Variants in NUDT13 observed in about 807,000 individuals in gnomAD.
NUDT13 encodes nudix hydrolase 13, also known as NAD(P)H pyrophosphatase NUDT13, mitochondrial.
NUDT13 carries 40 observed loss-of-function variants against 41.7 expected under a neutral mutation model. The ratio of observed to expected loss-of-function variants is 0.96; its 90% CI spans 0.75 to 1.25. NUDT13 has a LOEUF of 1.25. NUDT13 is among the 50% of genes most tolerant of loss of function. The pLI, the probability that NUDT13 is intolerant of heterozygous loss-of-function variation, is 0.00. For missense variants in NUDT13, 390 were observed against 416.1 expected (o/e 0.94, Z 0.55); for synonymous variants, 145 against 155.5 (o/e 0.93, Z 0.50).
At chr10:73,119,915 A>C in intron 2 of NUDT13, 103 bp from the exon 3 acceptor site, 3 of 1,193,644 alleles carry the variant, frequency 2.5e-6, no homozygotes, top group Non-Finnish European at 2.4e-6. Flanking sequence ...AAAGGGAAAT[A>C]ACCATGGTAA....
chr10:73,114,101 C>T (rs1842437973), intron 1 of NUDT13, among the ~76,000 whole-genome samples: 1 of 152,138 alleles, frequency 6.6e-6, no homozygotes, highest in Admixed American at 6.6e-5. Context: ...CCTTCTACTT[C>T]ATTCTTACTC....
At chr10:73,112,406 G>A (rs1414856145) in intron 1 of NUDT13, among the ~76,000 whole-genome samples, 3 of 149,666 alleles carry the variant, frequency 2.0e-5, no homozygotes, top group South Asian at 4.4e-4. Context: ...TATGTATATT[G>A]GTATGTCTGT....
chr10:73,114,465 C>T lies in NUDT13; in HGVS notation c.83+17C>T, dbSNP rs1554845985. 1 of 1,444,154 alleles carries T rather than the reference C, an allele frequency of 6.9e-7. No homozygotes were observed. Among genetic ancestry groups the T allele is most frequent in the South Asian group, 1.3e-5 (1 of 74,442 alleles). The allele number at this position is 1,444,154 out of a possible 1,614,324, so 89.5% of individuals were successfully genotyped here. ...TAAGACACGGTGAGTTTTAGCCAAC[C>T]TGAGCTTTGATTATTCTGTTTGGCC... On this transcript the variant is annotated intron_variant, in intron 2 of 8. Coordinates refer to ENST00000357321, the MANE Select transcript of NUDT13 (RefSeq NM_015901.6).
chr10:73,128,988 A>G (rs57800006), intron 8 of NUDT13, among the ~76,000 whole-genome samples: 2,490 of 152,196 alleles, frequency 0.016, 61 homozygotes, highest in African/African-American at 0.057. Flanking sequence ...TGTTTATATA[A>G]GACAATTTAC....
In NUDT13 at chr10:73,129,675, T is replaced by TAA. The variant is rs568746029; in HGVS notation, c.859-1013_859-1012dup. Among the ~76,000 whole-genome samples the TAA allele has an allele frequency of 4.1e-3, 561 of 135,356 alleles. 6 individuals carry two copies. The highest frequency in any genetic ancestry group is 0.011 in the African/African-American group (413 of 37,360). 88.8% of individuals were successfully genotyped at this position (135,356 alleles called of 152,430 possible). A position where few individuals can be genotyped will look rare whatever the true frequency, so the allele number is the denominator to read the frequency against. Reference sequence around the variant, plus strand: ...TTGACTATCATTAACCCTTACCCTTTAAAAAAAAAAAAAAAAGAGTGGCTG... The same window carrying TAA: ...TTGACTATCATTAACCCTTACCCTTTAAAAAAAAAAAAAAAAAAGAGTGGCTG... On this transcript the variant is annotated intron_variant, in intron 8 of 8. Transcript: ENST00000357321.
chr10:73,129,523 T>TG (rs1218022242), intron 8 of NUDT13, among the ~76,000 whole-genome samples: 2 of 152,112 alleles, frequency 1.3e-5, no homozygotes, highest in African/African-American at 4.8e-5. Context: ...CATCACTGAC[T>TG]GATGGTCTCT....
chr10:73,130,565 A>G, intron 8 of NUDT13, 138 bp from the exon 9 acceptor site: 1 of 669,980 alleles, frequency 1.5e-6, no homozygotes. Flanking sequence ...TCTAGAACTG[A>G]CTTTCACCTA....
intron 2 of NUDT13, chr10:73,115,312 G>A (rs905093349): frequency 6.6e-6 from 1 of 152,214 alleles, no homozygotes; most frequent in Admixed American, 6.5e-5. Context: ...AAGTAGCTGG[G>A]ACTACAGGCA....
rs913382089 is a variant in NUDT13 at position 73,131,414 on chromosome 10, C to G, written c.*511C>G. 1 of 159,890 alleles carries G rather than the reference C, an allele frequency of 6.3e-6. No individual in the cohort carries two copies. Among genetic ancestry groups the G allele is most frequent in the Non-Finnish European group, 1.4e-5 (1 of 71,770 alleles). 9.9% of individuals were successfully genotyped at this position (159,890 alleles called of 1,614,324 possible). ...TTTAAAATTCATGTACAGGTGCATT[C>G]TAGTTACATGAACATGCTAGTTAAA... On this transcript the variant is annotated 3_prime_UTR_variant, in exon 9 of 9. Transcript: ENST00000357321.
At chr10:73,125,829 C>T (rs1842761364) in intron 7 of NUDT13, among the ~76,000 whole-genome samples, 1 of 151,602 alleles carries the variant, frequency 6.6e-6, no homozygotes, top group African/African-American at 2.4e-5. Flanking sequence ...GGACTACAGG[C>T]ACAGGCTACC....
intron 8 of NUDT13, 77 bp downstream of exon 8, chr10:73,126,904 GC>G (rs1279151754): frequency 1.2e-4 from 155 of 1,259,540 alleles, no homozygotes; most frequent in Non-Finnish European, 1.7e-4. Context: ...TACTTATTAA[GC>G]ACTTGTCTAG....
Position 73,131,105 on chromosome 10 carries a change from GAGA to G in NUDT13, c.*207_*209del, listed in dbSNP as rs140326455. On this transcript the variant is annotated 3_prime_UTR_variant, in exon 9 of 9. Coordinates refer to ENST00000357321, the MANE Select transcript of NUDT13 (RefSeq NM_015901.6). ...AATGGGCAATCAAAAAAGCCAGTGT[GAGA>G]AGAAAACTGATGAGCTGTCAACTGT... is the stretch of plus-strand genomic sequence containing the variant. 6,064 of 474,564 alleles carry G rather than the reference GAGA, an allele frequency of 0.013. 236 individuals carry two copies. The highest frequency in any genetic ancestry group is 0.091 in the African/African-American group (4,664 of 51,104). The allele number at this position is 474,564 out of a possible 1,614,324, so 29.4% of individuals were successfully genotyped here. A position where few individuals can be genotyped will look rare whatever the true frequency, so the allele number is the denominator to read the frequency against.
At chr10:73,119,778 GAACA>G (rs548529883) in intron 2 of NUDT13, among the ~76,000 whole-genome samples, 93 of 152,252 alleles carry the variant, frequency 6.1e-4, no homozygotes, top group African/African-American at 2.2e-3. Context: ...ACAGACAAAT[GAACA>G]AATAAACCAA....
At chr10:73,127,869 G>A (rs1842832311) in intron 8 of NUDT13, among the ~76,000 whole-genome samples, 1 of 151,570 alleles carries the variant, frequency 6.6e-6, no homozygotes, top group Non-Finnish European at 1.5e-5. Flanking sequence ...TATTTTGCAT[G>A]ACTGAAACCT....
chr10:73,116,876 ATTT>A (rs56229464), intron 2 of NUDT13, among the ~76,000 whole-genome samples: 5 of 81,860 alleles, frequency 6.1e-5, no homozygotes, highest in African/African-American at 2.0e-4. Context: ...GACTACAAGA[ATTT>A]TTTTTTTTTT....
chr10:73,115,986 T>C (rs1842497087), intron 2 of NUDT13, among the ~76,000 whole-genome samples: 1 of 151,134 alleles, frequency 6.6e-6, no homozygotes, highest in African/African-American at 2.5e-5. Context: ...TCTAGAACCC[T>C]TAACCTAAGA....
intron 2 of NUDT13, 103 bp from the exon 3 acceptor site, chr10:73,119,915 A>G: frequency 1.7e-6 from 2 of 1,193,644 alleles, no homozygotes; most frequent in South Asian, 2.8e-5. Flanking sequence ...AAAGGGAAAT[A>G]ACCATGGTAA....
chr10:73,112,928 C>T (rs531319209), intron 1 of NUDT13, among the ~76,000 whole-genome samples: 1 of 151,968 alleles, frequency 6.6e-6, no homozygotes, highest in African/African-American at 2.4e-5. Context: ...GCTCTTGTTG[C>T]CCAGGCTGGA....
intron 1 of NUDT13, 32 bp from the exon 2 acceptor site, chr10:73,114,324 CT>C (rs1301578591): frequency 1.2e-5 from 14 of 1,127,036 alleles, no homozygotes; most frequent in Middle Eastern, 2.3e-4. Context: ...CATATTATGA[CT>C]TTTTTTAAAA....
Sources: allele counts gnomAD v4.1 joint callset (sites outside exome capture counted in the v4.1 genomes callset), GRCh38; gene constraint gnomAD v4.1.1; transcripts MANE v1.5; gene names NCBI Gene and HGNC (gene_info 2026-07-23, HGNC 2026-07-21).